The following L3MBTL4 variants were observed in gnomAD, a reference collection of about 807,000 sequenced individuals.
The protein encoded by L3MBTL4 is lethal(3)malignant brain tumor-like protein 4.
Under a neutral mutation model 84.5 loss-of-function variants are expected in L3MBTL4, and 70 were observed. That is an observed-to-expected ratio of 0.83 (90% CI 0.68 to 1.01). L3MBTL4 has a LOEUF of 1.01. Among genes scored for constraint, L3MBTL4 ranks in the 50% least tolerant of loss-of-function variants. The probability of loss-of-function intolerance (pLI) is 0.00; values close to 1 mark genes in which losing one functional copy is unlikely to be tolerated. For missense variants in L3MBTL4, 715 were observed against 754.8 expected, an observed-to-expected ratio of 0.95 and a Z score of 0.62; for synonymous variants, 274 against 259.8, an observed-to-expected ratio of 1.05 and a Z score of -0.52.
At position 6,133,333 on chromosome 18, in the gene L3MBTL4, T is replaced by TCA. The variant is rs71699994; in HGVS notation, c.1199+4859_1199+4860dup. 8.7e-3 allele frequency among the ~76,000 whole-genome samples: 1,271 copies of TCA among 146,762 alleles called. 10 individuals carry two copies. The highest frequency in any genetic ancestry group is 0.041 in the Middle Eastern group (12 of 290). On this transcript the variant is annotated intron_variant, in intron 14 of 18. Coordinates refer to ENST00000317931, the MANE Select transcript of L3MBTL4 (RefSeq NM_001330559.2). Reference sequence around the variant, plus strand: ...CCATAGTGGGTGTTACAGCTCTAGATCACACACACACACACACACACACAC... The same window carrying TCA: ...CCATAGTGGGTGTTACAGCTCTAGATCACACACACACACACACACACACACAC...
In L3MBTL4 at chr18:5,968,589, C is replaced by G. The variant is rs558594902; in HGVS notation, c.1614+804G>C. Among the ~76,000 whole-genome samples, 126 of 152,076 alleles carry G rather than the reference C, an allele frequency of 8.3e-4. 1 individual carries two copies. Among genetic ancestry groups the G allele is most frequent in the Admixed American group, 9.2e-4 (14 of 15,266 alleles). On this transcript the variant is annotated intron_variant, in intron 17 of 18. Transcript: ENST00000317931. ...GCACATGCCTATAGTCCTAGCTACT[C>G]AGGAGGTTGAAGTGGGAGGATCGCT...
intron 10 of L3MBTL4, among the ~76,000 whole-genome samples, chr18:6,222,450 G>A (rs1378998312): frequency 6.6e-6 from 1 of 152,076 alleles, no homozygotes; most frequent in Non-Finnish European, 1.5e-5. Flanking sequence ...CAACCTATCT[G>A]TGTTGCACTG....
At chr18:6,394,160 T>G (rs1458124426) in intron 1 of L3MBTL4, among the ~76,000 whole-genome samples, 1 of 152,158 alleles carries the variant, frequency 6.6e-6, no homozygotes, top group Non-Finnish European at 1.5e-5. Flanking sequence ...TCCATAACAT[T>G]TAGCACCTTT....
intron 1 of L3MBTL4, among the ~76,000 whole-genome samples, chr18:6,316,523 C>T (rs891656746): frequency 7.9e-5 from 12 of 152,176 alleles, no homozygotes; most frequent in African/African-American, 2.9e-4. Context: ...ACTGCAAACA[C>T]AGCTGGGGCT....
intron 1 of L3MBTL4, chr18:6,396,180 G>C (rs948933624): frequency 2.6e-5 from 4 of 152,164 alleles, no homozygotes; most frequent in East Asian, 1.9e-4. Context: ...TTCAAACAGG[G>C]CTCTTCTTAT....
chr18:6,130,402 C>T (rs1014068087), intron 14 of L3MBTL4, among the ~76,000 whole-genome samples: 2 of 152,188 alleles, frequency 1.3e-5, no homozygotes, highest in African/African-American at 4.8e-5. Context: ...TAAGTTTCCA[C>T]TAAGAGCACC....
At chr18:6,340,540 A>G (rs898776560) in intron 1 of L3MBTL4, among the ~76,000 whole-genome samples, 1 of 152,154 alleles carries the variant, frequency 6.6e-6, no homozygotes, top group Non-Finnish European at 1.5e-5. Flanking sequence ...TGAGGGGATG[A>G]GTACAATAGC....
At chr18:6,026,837 C>T (rs1336713963) in intron 16 of L3MBTL4, among the ~76,000 whole-genome samples, 2 of 152,098 alleles carry the variant, frequency 1.3e-5, no homozygotes, top group Non-Finnish European at 2.9e-5. Flanking sequence ...GGTTAAATGG[C>T]TTACCAAAGG....
chr18:5,994,413 C>G (rs1463787138), intron 16 of L3MBTL4, among the ~76,000 whole-genome samples: 1 of 152,152 alleles, frequency 6.6e-6, no homozygotes, highest in African/African-American at 2.4e-5. Flanking sequence ...CCTTACTTAC[C>G]TTAGATGCTC....
chr18:6,361,239 A>G (rs1259363209), intron 1 of L3MBTL4, among the ~76,000 whole-genome samples: 1 of 152,092 alleles, frequency 6.6e-6, no homozygotes, highest in Non-Finnish European at 1.5e-5. Flanking sequence ...AGCTCAAAAG[A>G]GCAGAGCCAA....
chr18:6,113,463 G>A (rs1598792190), intron 14 of L3MBTL4, among the ~76,000 whole-genome samples: 1 of 14,456 alleles, frequency 6.9e-5, no homozygotes, highest in Non-Finnish European at 1.6e-4. Context: ...GCAAGTGTGG[G>A]CAAAAAAAAA....
At chr18:6,271,651 C>T (rs911433181) in intron 4 of L3MBTL4, among the ~76,000 whole-genome samples, 46 of 152,298 alleles carry the variant, frequency 3.0e-4, no homozygotes, top group African/African-American at 1.1e-3. Flanking sequence ...CAATGCAAAG[C>T]TCTTCAAACA....
At chr18:6,308,122 G>T (rs2050673717) in intron 3 of L3MBTL4, among the ~76,000 whole-genome samples, 1 of 152,086 alleles carries the variant, frequency 6.6e-6, no homozygotes, top group African/African-American at 2.4e-5. Flanking sequence ...TCTAGTAAAG[G>T]GCACCAAAAA....
At chr18:6,180,668 C>G (rs541477463) in intron 12 of L3MBTL4, among the ~76,000 whole-genome samples, 78 of 152,324 alleles carry the variant, frequency 5.1e-4, no homozygotes, top group Middle Eastern at 3.4e-3. Flanking sequence ...CCAAATTCAT[C>G]AGGTTTCTTA....
chr18:6,084,110 C>G (rs2058175823), intron 15 of L3MBTL4, among the ~76,000 whole-genome samples: 1 of 152,162 alleles, frequency 6.6e-6, no homozygotes, highest in South Asian at 2.1e-4. Context: ...CTTAAAAAGT[C>G]ACATAATAAG....
In L3MBTL4 at chr18:6,400,035, A is replaced by G. The variant is rs545389572; in HGVS notation, c.-91+14766T>C. Among the ~76,000 whole-genome samples, 5 of 152,370 alleles carry G rather than the reference A, an allele frequency of 3.3e-5. No individual in the cohort carries two copies. In the East Asian group the frequency reaches 7.7e-4, roughly 23 times the overall value. On this transcript the variant is annotated intron_variant, in intron 1 of 18. Transcript: ENST00000317931. ...AGAACTGAAATCTACATTAATTTCT[A>G]TAAGTATTAAGTGCTACAGAAATAC...
intron 13 of L3MBTL4, among the ~76,000 whole-genome samples, chr18:6,171,077 A>G (rs994261864): frequency 2.0e-5 from 3 of 152,210 alleles, no homozygotes; most frequent in Admixed American, 6.5e-5. Flanking sequence ...CTAAGGTTCA[A>G]GCATCATTAG....
chr18:6,257,981 C>T (rs1401894046), intron 5 of L3MBTL4, among the ~76,000 whole-genome samples: 1 of 152,138 alleles, frequency 6.6e-6, no homozygotes, highest in Non-Finnish European at 1.5e-5. Flanking sequence ...GAAACGTCAG[C>T]TTACAGGCAG....
At chr18:6,095,346 G>GTTT (rs71370544) in intron 14 of L3MBTL4, among the ~76,000 whole-genome samples, 11 of 122,954 alleles carry the variant, frequency 8.9e-5, no homozygotes, top group East Asian at 2.2e-4. Context: ...GGGGAACATG[G>GTTT]TTTTTTTTTT....
Sources: allele counts gnomAD v4.1 joint callset (sites outside exome capture counted in the v4.1 genomes callset), GRCh38; gene constraint gnomAD v4.1.1; transcripts MANE v1.5; gene names NCBI Gene and HGNC (gene_info 2026-07-23, HGNC 2026-07-21).